The following ITFG1 variants were observed in gnomAD, a reference collection of about 807,000 sequenced individuals.
The protein encoded by ITFG1 is integrin alpha FG-GAP repeat containing 1, also known as T-cell immunomodulatory protein.
In ITFG1, 34 loss-of-function variants were observed where a neutral mutation model predicts 81.8. The ratio of observed to expected loss-of-function variants is 0.42; its 90% CI spans 0.32 to 0.55. ITFG1 has a LOEUF of 0.55. ITFG1 is among the 20% of genes least tolerant of loss of function. The pLI, the probability that ITFG1 is intolerant of heterozygous loss-of-function variation, is 0.17. For synonymous variants in ITFG1, 285 were observed against 270.6 expected, an observed-to-expected ratio of 1.05 and a Z score of -0.52; for missense variants, 672 against 755.4, an observed-to-expected ratio of 0.89 and a Z score of 1.29.
chr16:47,390,750 G>T (rs1968520250), intron 6 of ITFG1, among the ~76,000 whole-genome samples: 1 of 152,108 alleles, frequency 6.6e-6, no homozygotes, highest in Non-Finnish European at 1.5e-5. Flanking sequence ...GTGAGTGACC[G>T]TGCCCGGCCA....
intron 13 of ITFG1, among the ~76,000 whole-genome samples, chr16:47,233,431 G>C (rs1417293019): frequency 6.6e-6 from 1 of 152,168 alleles, no homozygotes; most frequent in Non-Finnish European, 1.5e-5. Context: ...GTTCAGGGCA[G>C]GGGGGAACCC....
At chr16:47,232,875 A>AAGAGATCCTCCTGCCTCGACCTCCC (rs1400339916) in intron 13 of ITFG1, among the ~76,000 whole-genome samples, 2 of 152,088 alleles carry the variant, frequency 1.3e-5, no homozygotes, top group Non-Finnish European at 2.9e-5. Context: ...TCCTGGGCTC[A>AAGAGATCCTCCTGCCTCGACCTCCC]AGAGATCCTC....
At chr16:47,381,669 G>A (rs776251221) in intron 6 of ITFG1, among the ~76,000 whole-genome samples, 11 of 152,014 alleles carry the variant, frequency 7.2e-5, no homozygotes, top group Non-Finnish European at 1.5e-4. Context: ...TTATATTAGT[G>A]GAAGGGCAGC....
chr16:47,327,879 T>G (rs1293900900), intron 8 of ITFG1, among the ~76,000 whole-genome samples: 3 of 152,242 alleles, frequency 2.0e-5, no homozygotes, highest in Admixed American at 6.5e-5. Context: ...TTGGTGGGAC[T>G]GTAAACTAGT....
chr16:47,396,524 T>TGTGTGTGTGGGTGTGTGTGTGTGTGTGTG, intron 6 of ITFG1, among the ~76,000 whole-genome samples: 1 of 149,208 alleles, frequency 6.7e-6, no homozygotes, highest in African/African-American at 2.5e-5. Flanking sequence ...AATAATTATT[T>TGTGTGTGTGGGTGTGTGTGTGTGTGTGTG]TGTGTGTGTG....
At chr16:47,247,308 T>C (rs1374872968) in intron 12 of ITFG1, among the ~76,000 whole-genome samples, 1 of 152,186 alleles carries the variant, frequency 6.6e-6, no homozygotes, top group Non-Finnish European at 1.5e-5. Flanking sequence ...TTATTACAAT[T>C]AGATGTAAAT....
chr16:47,244,081 A>C (rs182048186), intron 12 of ITFG1, among the ~76,000 whole-genome samples: 11 of 152,336 alleles, frequency 7.2e-5, no homozygotes, highest in African/African-American at 2.6e-4. Context: ...TGAGCAAAAG[A>C]AGCCAGGTGC....
intron 8 of ITFG1, among the ~76,000 whole-genome samples, chr16:47,314,896 C>T (rs894924702): frequency 7.2e-5 from 11 of 151,780 alleles, no homozygotes; most frequent in African/African-American, 1.5e-4. Context: ...AGCATACTTA[C>T]GTACTGAGAG....
At chr16:47,419,586 G>C (rs972089481) in intron 6 of ITFG1, among the ~76,000 whole-genome samples, 1 of 148,736 alleles carries the variant, frequency 6.7e-6, no homozygotes, top group Non-Finnish European at 1.5e-5. Context: ...GCACTTTCAC[G>C]GCCTTACTTC....
At chr16:47,229,918 T>C (rs968121538) in intron 13 of ITFG1, among the ~76,000 whole-genome samples, 11 of 152,246 alleles carry the variant, frequency 7.2e-5, no homozygotes, top group African/African-American at 2.4e-4. Flanking sequence ...ATAATGTATT[T>C]TGAGAGATAA....
intron 5 of ITFG1, among the ~76,000 whole-genome samples, chr16:47,441,742 T>G (rs1379094079): frequency 6.6e-6 from 1 of 152,068 alleles, no homozygotes. Flanking sequence ...GGACAAAAAC[T>G]GGAAGCATTC....
At chr16:47,403,916 C>A (rs565022227) in intron 6 of ITFG1, among the ~76,000 whole-genome samples, 14 of 151,652 alleles carry the variant, frequency 9.2e-5, no homozygotes, top group African/African-American at 3.4e-4. Context: ...ATGGCATCAC[C>A]CTCAGAAGGG....
In ITFG1 at chr16:47,419,406, C is replaced by A. The variant is rs148013255; in HGVS notation, c.655+9398G>T. Among the ~76,000 whole-genome samples, 127 of 151,912 alleles carry A rather than the reference C, an allele frequency of 8.4e-4. 1 individual carries two copies. Among genetic ancestry groups the A allele is most frequent in the African/African-American group, 2.9e-3 (121 of 41,438 alleles). On this transcript the variant is annotated intron_variant, in intron 6 of 17. Transcript: ENST00000320640. ...ATCTCAGCCTCCCAAGCAGCTGGGA[C>A]TGCAAGAGCATGCCACCAAGTCCAG...
intron 5 of ITFG1, among the ~76,000 whole-genome samples, chr16:47,445,247 GAAAAAAAAAAA>G (rs907756228): frequency 6.5e-5 from 2 of 30,826 alleles, no homozygotes; most frequent in Non-Finnish European, 1.4e-4. Flanking sequence ...CTCCGTCTCA[GAAAAAAAAAAA>G]AAAAAAAAAA....
chr16:47,217,432 T>C (rs147241765), intron 14 of ITFG1, among the ~76,000 whole-genome samples: 1 of 152,346 alleles, frequency 6.6e-6, no homozygotes, highest in Non-Finnish European at 1.5e-5. Context: ...TCATCCTGTA[T>C]TCTGGAACAT....
intron 13 of ITFG1, among the ~76,000 whole-genome samples, chr16:47,220,151 G>T (rs1965674655): frequency 6.6e-6 from 1 of 152,182 alleles, no homozygotes; most frequent in Non-Finnish European, 1.5e-5. Flanking sequence ...TATCATCACA[G>T]GCCAGTCATT....
chr16:47,292,248 G>A (rs1265523643), intron 10 of ITFG1, among the ~76,000 whole-genome samples: 4 of 152,062 alleles, frequency 2.6e-5, no homozygotes, highest in African/African-American at 4.8e-5. Context: ...TCCTGACCTC[G>A]TGATCCACCT....
intron 8 of ITFG1, among the ~76,000 whole-genome samples, chr16:47,342,769 A>G (rs1967801616): frequency 6.6e-6 from 1 of 152,158 alleles, no homozygotes; most frequent in African/African-American, 2.4e-5. Flanking sequence ...AATATGTACA[A>G]GAACAAAACA....
Position 47,237,993 on chromosome 16 carries a change from C to T in ITFG1, c.1346G>A (p.Cys449Tyr). The change falls in exon 13 of 18, where the codon TGT (cysteine) becomes TAT (tyrosine). Residue 449 changes from cysteine (C) to tyrosine (Y), a missense_variant. Around this residue, in one of 3 missense-constraint regions of ITFG1, gnomAD observed 560 missense variants for 625.7 expected, o/e 0.90. Transcript: ENST00000320640. The stretch of plus-strand genomic sequence containing the variant: ...TATCTTACGAGGACAGTCATTAGAA[C>T]ACAGACCACTAAGAACTGTGGAAAA... ...FVKVIVLSGL[C>Y]SNDCPRKITP... 6.8e-7 allele frequency: 1 copy of T among 1,473,036 alleles called. No homozygotes were observed. Among genetic ancestry groups the T allele is most frequent in the Non-Finnish European group, 9.2e-7 (1 of 1,083,176 alleles). The allele number at this position is 1,473,036 out of a possible 1,614,324, so 91.2% of individuals were successfully genotyped here.
Sources: gnomAD v4.1 joint callset for allele counts (sites outside exome capture counted in the v4.1 genomes callset) on GRCh38, gnomAD v4.1.1 for gene constraint, gnomAD v4.1.1 regional missense constraint, MANE v1.5 for transcripts, NCBI Gene and HGNC (gene_info 2026-07-23, HGNC 2026-07-21) for gene names.